RNFT2: variants seen among roughly 807,000 people sequenced by gnomAD.
RNFT2 encodes the protein E3 ubiquitin-protein ligase RNFT2.
A neutral mutation model predicts 53.0 loss-of-function variants in RNFT2; 36 were observed. The ratio of observed to expected loss-of-function variants is 0.68; its 90% confidence interval spans 0.52 to 0.90. The LOEUF is 0.90. Among genes scored for constraint, RNFT2 ranks in the 40% least tolerant of loss-of-function variants. RNFT2 has a pLI of 0.00. For missense variants in RNFT2, 514 were observed against 585.6 expected (o/e 0.88, Z 1.26); for synonymous variants, 260 against 253.2 (o/e 1.03, Z -0.26).
chr12:116,810,771 A>AG (rs1217893111), intron 7 of RNFT2, among the ~76,000 whole-genome samples: 2 of 152,072 alleles, frequency 1.3e-5, no homozygotes, highest in Non-Finnish European at 2.9e-5. Context: ...CCTGCTCCTG[A>AG]GGGGGAAGAC....
intron 6 of RNFT2, among the ~76,000 whole-genome samples, chr12:116,772,715 T>A (rs1328732151): frequency 6.6e-6 from 1 of 152,228 alleles, no homozygotes; most frequent in Non-Finnish European, 1.5e-5. Context: ...TTTCTCTACA[T>A]ATTTATACAT....
At chr12:116,743,392 G>A (rs956824838) in intron 3 of RNFT2, among the ~76,000 whole-genome samples, 3 of 151,268 alleles carry the variant, frequency 2.0e-5, no homozygotes, top group East Asian at 2.0e-4. Flanking sequence ...TCTGTCTCCC[G>A]AGTAGTTGGG....
At chr12:116,785,028 G>A (rs1011713602) in intron 7 of RNFT2, among the ~76,000 whole-genome samples, 3 of 152,094 alleles carry the variant, frequency 2.0e-5, no homozygotes, top group African/African-American at 7.2e-5. Flanking sequence ...AGCCTACCCA[G>A]CCTGCCTCTG....
At position 116,852,416 on chromosome 12, in the gene RNFT2, C is replaced by T; in HGVS notation, c.*2968C>T. On this transcript the variant is annotated 3_prime_UTR_variant, in exon 11 of 11. Transcript: ENST00000257575. ...GGCATCCCTGGCTCTCTCCTGGTAC[C>T]CAGCAAGACGTCTGTTCCAGGGCAG... The T allele has an allele frequency of 7.3e-7, 1 of 1,366,092 alleles. No homozygotes were observed. Among genetic ancestry groups the T allele is most frequent in the South Asian group, 1.6e-5 (1 of 61,392 alleles). 84.6% of individuals were successfully genotyped at this position (1,366,092 alleles called of 1,614,324 possible). A position where few individuals can be genotyped will look rare whatever the true frequency, so the allele number is the denominator to read the frequency against.
intron 3 of RNFT2, among the ~76,000 whole-genome samples, chr12:116,744,103 G>A (rs1455168574): frequency 1.3e-5 from 2 of 151,846 alleles, no homozygotes; most frequent in Non-Finnish European, 2.9e-5. Context: ...GCAGATGCCT[G>A]TAGTCCCAGC....
At chr12:116,771,480 A>AT (rs1283939021) in intron 6 of RNFT2, among the ~76,000 whole-genome samples, 3 of 114,160 alleles carry the variant, frequency 2.6e-5, no homozygotes, top group East Asian at 2.5e-4. Context: ...AAAAAAAAAA[A>AT]AAAAAAAAAA....
chr12:116,765,911 G>A lies in RNFT2; in HGVS notation c.628-903G>A, dbSNP rs535958125. ...TCCAGCCTCTAGATCTGAATCTTCT[G>A]CTGGGTTGTAAACTCTTAATAATCA... is the stretch of plus-strand genomic sequence containing the variant. On this transcript the variant is annotated intron_variant, in intron 5 of 10. Transcript: ENST00000257575. Among the ~76,000 whole-genome samples the A allele has an allele frequency of 1.2e-4, 19 of 152,262 alleles. No homozygotes were observed. The South Asian group carries it at 3.9e-3, about 32-fold the overall frequency.
At chr12:116,827,668 G>C (rs1351091817) in intron 7 of RNFT2, among the ~76,000 whole-genome samples, 1 of 152,244 alleles carries the variant, frequency 6.6e-6, no homozygotes, top group Non-Finnish European at 1.5e-5. Context: ...TCCTACTGTA[G>C]TGACAGAGGT....
In RNFT2 at chr12:116,749,993, G is replaced by C; in HGVS notation, c.236G>C (p.Gly79Ala). The C allele has an allele frequency of 6.4e-7, 1 of 1,559,326 alleles. No individual in the cohort carries two copies. Among genetic ancestry groups the C allele is most frequent in the South Asian group, 1.2e-5 (1 of 84,648 alleles). ...TCGTTCCCCTCCAGCCTGGTGCTGGGCTCCTCGGCTGGCGGCGGGGACGTG... is the reference window on the plus strand; with the variant it reads ...TCGTTCCCCTCCAGCCTGGTGCTGGCCTCCTCGGCTGGCGGCGGGGACGTG... ...TSSFPSSLVL[G>A]SSAGGGDVFI... Residue 79 changes from glycine (G) to alanine (A), a missense_variant, in exon 4 of 11, where the codon GGC becomes GCC. Coordinates refer to ENST00000257575, the MANE Select transcript of RNFT2 (RefSeq NM_001382266.1).
At chr12:116,806,582 T>TA (rs1206424701) in intron 7 of RNFT2, among the ~76,000 whole-genome samples, 4 of 151,372 alleles carry the variant, frequency 2.6e-5, no homozygotes, top group Non-Finnish European at 4.4e-5. Context: ...ACCTTCTCTA[T>TA]AAAAAAAATT....
chr12:116,747,679 G>T (rs769688626), intron 3 of RNFT2, among the ~76,000 whole-genome samples: 6 of 152,186 alleles, frequency 3.9e-5, no homozygotes, highest in Non-Finnish European at 8.8e-5. Flanking sequence ...GCCCTGGGTT[G>T]TGGGGTCCAG....
At chr12:116,779,442 T>G in intron 7 of RNFT2, 94 bp downstream of exon 7, 2 of 1,313,962 alleles carry the variant, frequency 1.5e-6, no homozygotes, top group Admixed American at 2.0e-5. Flanking sequence ...TGGATGAGGG[T>G]GGACTGATGT....
At chr12:116,840,880 G>C (rs1228083171) in intron 10 of RNFT2, among the ~76,000 whole-genome samples, 3 of 151,684 alleles carry the variant, frequency 2.0e-5, no homozygotes, top group Non-Finnish European at 4.4e-5. Flanking sequence ...TGGCTGGCCT[G>C]GTTTGTGTGA....
chr12:116,789,087 G>GTGGA (rs1289612206), intron 7 of RNFT2, among the ~76,000 whole-genome samples: 2 of 150,288 alleles, frequency 1.3e-5, no homozygotes, highest in African/African-American at 2.5e-5. Context: ...TGGGAGGAGA[G>GTGGA]TGGATGGATG....
chr12:116,739,831 T>C (rs982134518), intron 1 of RNFT2, among the ~76,000 whole-genome samples: 6 of 152,182 alleles, frequency 3.9e-5, no homozygotes, highest in Non-Finnish European at 8.8e-5. Flanking sequence ...TGGGCAGCCG[T>C]TGGAGGGTTT....
At chr12:116,774,632 T>C (rs1050945615) in intron 6 of RNFT2, among the ~76,000 whole-genome samples, 2 of 152,138 alleles carry the variant, frequency 1.3e-5, no homozygotes, top group African/African-American at 2.4e-5. Context: ...TCCATCTGTT[T>C]TGAAAATGAA....
chr12:116,834,948 C>T (rs1181773917), intron 8 of RNFT2, among the ~76,000 whole-genome samples: 1 of 151,344 alleles, frequency 6.6e-6, no homozygotes, highest in Non-Finnish European at 1.5e-5. Context: ...CTCCCGGGTT[C>T]AAGCGATTCT....
At chr12:116,783,130 T>C (rs1873787008) in intron 7 of RNFT2, among the ~76,000 whole-genome samples, 1 of 152,172 alleles carries the variant, frequency 6.6e-6, no homozygotes, top group African/African-American at 2.4e-5. Flanking sequence ...CGGTAGGAGA[T>C]ACACACTCTT....
chr12:116,738,865 G>A (rs1270091511), intron 1 of RNFT2, among the ~76,000 whole-genome samples: 1 of 152,112 alleles, frequency 6.6e-6, no homozygotes, highest in African/African-American at 2.4e-5. Flanking sequence ...TTTCCCCCAA[G>A]GATTTGCAAT....
Sources: gnomAD v4.1 joint callset for allele counts (sites outside exome capture counted in the v4.1 genomes callset) on GRCh38, gnomAD v4.1.1 for gene constraint, MANE v1.5 for transcripts, NCBI Gene and HGNC (gene_info 2026-07-23, HGNC 2026-07-21) for gene names.